The following C10orf143 variants were observed in gnomAD, a reference collection of about 807,000 sequenced individuals.
The protein encoded by C10orf143 is chromosome 10 open reading frame 143.
chr10:130,101,513 A>G (rs946127715), intron 1 of C10orf143, among the ~76,000 whole-genome samples: 1 of 152,122 alleles, frequency 6.6e-6, no homozygotes, highest in Non-Finnish European at 1.5e-5. Flanking sequence ...TGAAAGAAAA[A>G]AACCTATCAA....
intron 3 of C10orf143, among the ~76,000 whole-genome samples, chr10:130,053,455 AC>A (rs1860759738): frequency 6.6e-6 from 1 of 152,160 alleles, no homozygotes; most frequent in Middle Eastern, 3.2e-3. Context: ...CTAAAACAAA[AC>A]TGTTATTCAT....
In C10orf143 at chr10:130,040,730, G is replaced by C. The variant is rs932096451; in HGVS notation, c.298-4760C>G. Among the ~76,000 whole-genome samples the C allele has an allele frequency of 1.2e-4, 19 of 152,192 alleles. 1 individual carries two copies. The highest frequency in any genetic ancestry group is 4.6e-4 in the African/African-American group (19 of 41,442). On this transcript the variant is annotated intron_variant and NMD_transcript_variant, in intron 3 of 5. Coordinates refer to the C10orf143 transcript ENST00000643056. The stretch of plus-strand genomic sequence containing the variant: ...TGCCTGTAATTCCAGCTACTCAGGA[G>C]GCTGGGGCAGCAGAATTGTTTGAAC...
At chr10:130,072,766 T>C (rs1452043311) in intron 3 of C10orf143, among the ~76,000 whole-genome samples, 1 of 152,258 alleles carries the variant, frequency 6.6e-6, no homozygotes, top group Non-Finnish European at 1.5e-5. Flanking sequence ...AAGTTTTGTT[T>C]ACAATATGCT....
intron 3 of C10orf143, among the ~76,000 whole-genome samples, chr10:130,045,283 C>T (rs1299677490): frequency 6.6e-6 from 1 of 152,252 alleles, no homozygotes; most frequent in Non-Finnish European, 1.5e-5. Context: ...GCCTGCAGGT[C>T]GGCGGGGCCT....
rs61617138 is a variant in C10orf143, at chr10:130,094,015, T to TAAAAA, written c.70-14119_70-14115dup. On this transcript the variant is annotated intron_variant, in intron 1 of 3. Transcript: ENST00000637128. Reference sequence around the variant, plus strand: ...ACAGAGCGAGACTCCATCTCACCATTAAAAAAAAAAAAAAATTATAAAGTG... The same window carrying TAAAAA: ...ACAGAGCGAGACTCCATCTCACCATTAAAAAAAAAAAAAAAAAAAATTATAAAGTG... 3.0e-3 allele frequency among the ~76,000 whole-genome samples: 413 copies of TAAAAA among 137,714 alleles called. 6 individuals are homozygous for TAAAAA. Among genetic ancestry groups the TAAAAA allele is most frequent in the African/African-American group, 0.01 (391 of 37,266 alleles). The allele number at this position is 137,714 out of a possible 152,430, so 90.3% of individuals were successfully genotyped here.
At chr10:130,106,339 T>C in intron 1 of C10orf143, 1 of 1,599,952 alleles carries the variant, frequency 6.3e-7, no homozygotes, top group Non-Finnish European at 8.5e-7. Flanking sequence ...AATTTAGCCT[T>C]GTTCAAAAAG....
intron 1 of C10orf143, among the ~76,000 whole-genome samples, chr10:130,082,607 C>A (rs112860099): frequency 6.6e-5 from 10 of 152,308 alleles, no homozygotes; most frequent in African/African-American, 2.4e-4. Context: ...CCTGCTGCCA[C>A]GTAAGACGTG....
At chr10:130,103,643 C>T (rs1861594669) in intron 1 of C10orf143, among the ~76,000 whole-genome samples, 2 of 151,246 alleles carry the variant, frequency 1.3e-5, no homozygotes, top group African/African-American at 2.5e-5. Flanking sequence ...CCCGTCTCTA[C>T]AAAAAAGTTT....
At chr10:130,090,995 A>G (rs889975401) in intron 1 of C10orf143, among the ~76,000 whole-genome samples, 8 of 152,182 alleles carry the variant, frequency 5.3e-5, no homozygotes, top group Admixed American at 2.6e-4. Context: ...GCACAGCTTC[A>G]GCAGACTTAA....
At chr10:130,080,339 G>C (rs1236819360) in intron 1 of C10orf143, among the ~76,000 whole-genome samples, 1 of 152,174 alleles carries the variant, frequency 6.6e-6, no homozygotes, top group Non-Finnish European at 1.5e-5. Flanking sequence ...GCACTGAAGA[G>C]CAAATTAATT....
chr10:130,067,012 A>G (rs979067609), intron 3 of C10orf143: 1 of 152,236 alleles, frequency 6.6e-6, no homozygotes, highest in Non-Finnish European at 1.5e-5. Context: ...GGAGCAAGAG[A>G]ACGATGTTTG....
At chr10:130,070,956 C>T (rs766790442) in intron 3 of C10orf143, among the ~76,000 whole-genome samples, 1 of 151,976 alleles carries the variant, frequency 6.6e-6, no homozygotes, top group Non-Finnish European at 1.5e-5. Context: ...TGCTCCGTCA[C>T]CCAGGCTGGA....
At chr10:130,093,056 GACT>G (rs1342599625) in intron 1 of C10orf143, among the ~76,000 whole-genome samples, 6 of 151,968 alleles carry the variant, frequency 3.9e-5, no homozygotes, top group Non-Finnish European at 7.4e-5. Flanking sequence ...CTCAGCTCTC[GACT>G]AAGCAGACCT....
chr10:130,066,970 C>G (rs548776748), intron 3 of C10orf143: 33 of 152,260 alleles, frequency 2.2e-4, no homozygotes, highest in African/African-American at 7.9e-4. Context: ...ATGGGAAAAC[C>G]CTTTTCCACT....
chr10:130,075,546 A>G (rs920959915), intron 3 of C10orf143, among the ~76,000 whole-genome samples: 1 of 152,220 alleles, frequency 6.6e-6, no homozygotes, highest in Non-Finnish European at 1.5e-5. Context: ...AAACAGAGGG[A>G]CTGTAACAAG....
rs371872611 is a variant in C10orf143 at position 130,082,009 on chromosome 10, T to C, written c.70-2108A>G. Among the ~76,000 whole-genome samples, 60 of 151,704 alleles carry C rather than the reference T, an allele frequency of 4.0e-4. 1 individual carries two copies. The highest frequency in any genetic ancestry group is 1.3e-3 in the South Asian group (6 of 4,786). On this transcript the variant is annotated intron_variant, in intron 1 of 3. Coordinates refer to ENST00000637128, the MANE Select transcript of C10orf143 (RefSeq NM_001355042.2). ...CTGAAGGAAAAAATAAAACAACTCC[T>C]GGACACGAAAACAAACCATAGACAC...
At chr10:130,036,955 A>G (rs1860551535) in intron 3 of C10orf143, among the ~76,000 whole-genome samples, 2 of 152,162 alleles carry the variant, frequency 1.3e-5, no homozygotes, top group South Asian at 4.1e-4. Flanking sequence ...GTACAGGCAC[A>G]GAGGGAGGCG....
chr10:130,107,532 T>TA, intron 1 of C10orf143: 2 of 1,347,708 alleles, frequency 1.5e-6, no homozygotes, highest in Non-Finnish European at 2.1e-6. Context: ...ATAAAACTTC[T>TA]AAAAAAAGAT....
downstream of C10orf143, among the ~76,000 whole-genome samples, chr10:130,061,633 C>T (rs1447183315): frequency 6.6e-6 from 1 of 152,160 alleles, no homozygotes; most frequent in Non-Finnish European, 1.5e-5. Flanking sequence ...CAGTCTGTTT[C>T]CTCAGGGTGT....
Sources: allele counts gnomAD v4.1 joint callset (sites outside exome capture counted in the v4.1 genomes callset), GRCh38; gene constraint gnomAD v4.1.1; transcripts MANE v1.5; gene names NCBI Gene and HGNC (gene_info 2026-07-23, HGNC 2026-07-21).